Variants in MTHFD1L observed in about 807,000 individuals in gnomAD.
MTHFD1L encodes methylenetetrahydrofolate dehydrogenase (NADP+ dependent) 1 like, also known as monofunctional C1-tetrahydrofolate synthase, mitochondrial.
MTHFD1L carries 81 observed loss-of-function variants against 119.5 expected under a neutral mutation model. The observed-to-expected ratio is 0.68, with a 90% confidence interval of 0.57 to 0.82. The LOEUF is 0.82. Among genes scored for constraint, MTHFD1L ranks in the 40% least tolerant of loss-of-function variants. MTHFD1L has a pLI of 0.00. For synonymous variants in MTHFD1L, 430 were observed against 475.2 expected (o/e 0.90, Z 1.24); for missense variants, 1,125 against 1,253.4 (o/e 0.90, Z 1.55).
chr6:150,909,238 T>C (rs749603600), intron 8 of MTHFD1L, among the ~76,000 whole-genome samples: 6 of 151,658 alleles, frequency 4.0e-5, no homozygotes, highest in Non-Finnish European at 7.4e-5. Flanking sequence ...TTCAACATTC[T>C]GTTTTCTAGC....
At chr6:150,909,442 T>A (rs1786489090) in intron 8 of MTHFD1L, among the ~76,000 whole-genome samples, 1 of 152,170 alleles carries the variant, frequency 6.6e-6, no homozygotes, top group South Asian at 2.1e-4. Flanking sequence ...GGGTTCTCAC[T>A]GTGTTGCCCA....
intron 26 of MTHFD1L, among the ~76,000 whole-genome samples, chr6:151,051,646 T>TAC (rs1275236808): frequency 6.6e-6 from 1 of 152,106 alleles, no homozygotes; most frequent in Non-Finnish European, 1.5e-5. Flanking sequence ...CCTGCTGCCA[T>TAC]ACCCCCCCAG....
chr6:151,074,287 C>T (rs1435789283), intron 26 of MTHFD1L, among the ~76,000 whole-genome samples: 1 of 152,092 alleles, frequency 6.6e-6, no homozygotes, highest in Non-Finnish European at 1.5e-5. Context: ...CTGAATCTAC[C>T]CAAAGGAATG....
At chr6:150,952,031 G>C (rs543239511) in intron 16 of MTHFD1L, among the ~76,000 whole-genome samples, 1 of 152,288 alleles carries the variant, frequency 6.6e-6, no homozygotes, top group East Asian at 1.9e-4. Context: ...GAAGAGAAAG[G>C]CTACATCATC....
At chr6:150,949,191 C>T (rs1025730227) in intron 16 of MTHFD1L, 58 bp downstream of exon 16, 26 of 1,400,182 alleles carry the variant, frequency 1.9e-5, no homozygotes, top group Non-Finnish European at 2.4e-5. Context: ...GTGTTCGAGC[C>T]GAAGCGCTTA....
At position 150,876,171 on chromosome 6, in the gene MTHFD1L, C is replaced by G. The variant is rs199978377; in HGVS notation, c.309C>G (p.Ile103Met). Residue 103 changes from isoleucine (I) to methionine (M), a missense_variant, in exon 2 of 28, where the codon ATC (isoleucine) becomes ATG (methionine). Coordinates refer to ENST00000367321, the MANE Select transcript of MTHFD1L (RefSeq NM_015440.5). ...NPAFKPVLAIIQAGDDNLMQE... is the reference protein window; with the variant it reads ...NPAFKPVLAIMQAGDDNLMQE... ...CCTTCAAGCCGGTTCTTGCAATTAT[C>G]CAGGTAAGCCGAGAACAAGGTTCAG... is the stretch of plus-strand genomic sequence containing the variant. The G allele has an allele frequency of 3.2e-6, 5 of 1,585,510 alleles. No homozygotes were observed. Among genetic ancestry groups the G allele is most frequent in the Non-Finnish European group, 4.3e-6 (5 of 1,166,772 alleles).
intron 11 of MTHFD1L, chr6:150,935,186 T>C (rs570320397): frequency 7.2e-4 from 1,154 of 1,612,120 alleles, no homozygotes; most frequent in Non-Finnish European, 9.1e-4. Context: ...TTTTCACTTC[T>C]GGGATGTAGG....
intron 20 of MTHFD1L, among the ~76,000 whole-genome samples, chr6:151,003,010 A>T (rs896270428): frequency 6.6e-6 from 1 of 152,104 alleles, no homozygotes; most frequent in Non-Finnish European, 1.5e-5. Context: ...CCAGGTGGGG[A>T]GCGGAATAGG....
intron 20 of MTHFD1L, among the ~76,000 whole-genome samples, chr6:150,987,142 G>A (rs1233848393): frequency 1.3e-5 from 2 of 152,166 alleles, no homozygotes; most frequent in South Asian, 2.1e-4. Flanking sequence ...ATATAGTATT[G>A]TGTATAGGAT....
chr6:150,916,483 T>A (rs1277490375), intron 8 of MTHFD1L, among the ~76,000 whole-genome samples: 1 of 51,314 alleles, frequency 1.9e-5, no homozygotes, highest in Admixed American at 2.3e-4. Context: ...TTTTTTTTTT[T>A]TTTTTTTTTT....
intron 8 of MTHFD1L, among the ~76,000 whole-genome samples, chr6:150,916,737 C>CTTTTTTTTTTTTTTTTT (rs57961829): frequency 1.4e-5 from 1 of 72,114 alleles, no homozygotes; most frequent in African/African-American, 4.4e-5. Flanking sequence ...GATTCTATCC[C>CTTTTTTTTTTTTTTTTT]TTTTTTTTTT....
intron 8 of MTHFD1L, among the ~76,000 whole-genome samples, chr6:150,915,570 C>A (rs1583531659): frequency 6.6e-6 from 1 of 152,034 alleles, no homozygotes; most frequent in African/African-American, 2.4e-5. Context: ...GATACCAGCT[C>A]CTGGAATGTA....
At chr6:151,054,289 T>TAA (rs562664144) in intron 26 of MTHFD1L, among the ~76,000 whole-genome samples, 92 of 152,314 alleles carry the variant, frequency 6.0e-4, no homozygotes, top group South Asian at 1.9e-3. Context: ...GTAATAAAGT[T>TAA]AAGTTTATGA....
chr6:151,077,758 A>G (rs945628584), intron 26 of MTHFD1L, among the ~76,000 whole-genome samples: 1 of 151,690 alleles, frequency 6.6e-6, no homozygotes. Flanking sequence ...CAATAGAGCA[A>G]TATCTTCAAA....
At chr6:150,930,935 T>C (rs564818081) in intron 11 of MTHFD1L, among the ~76,000 whole-genome samples, 1 of 152,362 alleles carries the variant, frequency 6.6e-6, no homozygotes, top group East Asian at 1.9e-4. Context: ...TATTTACACC[T>C]ACACATCACT....
At chr6:150,866,452 G>C in intron 1 of MTHFD1L, 5 of 1,324,032 alleles carry the variant, frequency 3.8e-6, no homozygotes, top group Non-Finnish European at 4.8e-6. Context: ...GGAGGGCGGG[G>C]CTGCGGCTCG....
chr6:150,919,054 T>C (rs892650919), intron 9 of MTHFD1L, among the ~76,000 whole-genome samples: 3 of 151,392 alleles, frequency 2.0e-5, no homozygotes, highest in Non-Finnish European at 4.4e-5. Flanking sequence ...TACCAGCTAC[T>C]CAGGAGGCTA....
chr6:151,015,206 C>CTTTTTTTTTTT (rs58646889), intron 23 of MTHFD1L, among the ~76,000 whole-genome samples: 8 of 76,914 alleles, frequency 1.0e-4, no homozygotes, highest in African/African-American at 1.7e-4. Flanking sequence ...ATCTCCTTGG[C>CTTTTTTTTTTT]TTTTTTTTTT....
At chr6:150,954,402 T>C (rs803461) in intron 16 of MTHFD1L, among the ~76,000 whole-genome samples, 43,191 of 152,072 alleles carry the variant, frequency 0.28, 6,481 homozygotes, top group East Asian at 0.49. Flanking sequence ...TGAGACAGGG[T>C]CTTGGCTGGG....
Sources: allele counts gnomAD v4.1 joint callset (sites outside exome capture counted in the v4.1 genomes callset), GRCh38; gene constraint gnomAD v4.1.1; transcripts MANE v1.5; gene names NCBI Gene and HGNC (gene_info 2026-07-23, HGNC 2026-07-21).